The following ENAH variants were observed in gnomAD, a reference collection of about 807,000 sequenced individuals.
The protein encoded by ENAH is protein enabled homolog.
ENAH carries 23 observed loss-of-function variants against 78.7 expected under a neutral mutation model. The ratio of observed to expected loss-of-function variants is 0.29; its 90% CI spans 0.21 to 0.41. The LOEUF (loss-of-function observed/expected upper bound fraction) is 0.41. Among genes scored for constraint, ENAH ranks in the 10% least tolerant of loss-of-function variants. The pLI, the probability that ENAH is intolerant of heterozygous loss-of-function variation, is 1.00. For missense variants in ENAH, 544 were observed against 691.0 expected (o/e 0.79, Z 2.39); for synonymous variants, 226 against 241.0 (o/e 0.94, Z 0.58).
intron 1 of ENAH, among the ~76,000 whole-genome samples, chr1:225,571,016 T>C (rs2096759514): frequency 6.6e-6 from 1 of 152,096 alleles, no homozygotes; most frequent in Admixed American, 6.6e-5. Flanking sequence ...GTTGATCAAC[T>C]GTTTATGGAT....
rs114603560 is a variant in ENAH, at chr1:225,581,901, T to C, written c.6-14487A>G. 8.1e-3 allele frequency among the ~76,000 whole-genome samples: 1,223 copies of C among 151,522 alleles called. 19 individuals carry two copies. The highest frequency in any genetic ancestry group is 0.028 in the African/African-American group (1,161 of 41,218). On this transcript the variant is annotated intron_variant, in intron 1 of 13. Coordinates refer to ENST00000366843, the MANE Select transcript of ENAH (RefSeq NM_018212.6). ...TTTTGGTAGAGATGGGATCTCCCTA[T>C]CTTGCCAAGGCTGGTCTCTAACTCC...
intron 4 of ENAH, among the ~76,000 whole-genome samples, chr1:225,520,399 T>C (rs2096458001): frequency 1.3e-5 from 2 of 152,138 alleles, no homozygotes; most frequent in South Asian, 2.1e-4. Flanking sequence ...TCAACATATG[T>C]ATATAAAGAC....
At position 225,530,647 on chromosome 1, in the gene ENAH, G is replaced by A; in HGVS notation, c.350-9C>T. 1 of 1,598,586 alleles carries A rather than the reference G, an allele frequency of 6.3e-7. No individual in the cohort carries two copies. Among genetic ancestry groups the A allele is most frequent in the East Asian group, 2.2e-5 (1 of 44,740 alleles). Reference sequence around the variant, plus strand: ...TCTAGGCAATGTTGGCCCTACAGAGGGAGAAAACATTACAGATGAACATTA... The same window carrying A: ...TCTAGGCAATGTTGGCCCTACAGAGAGAGAAAACATTACAGATGAACATTA... On this transcript the variant is annotated splice_polypyrimidine_tract_variant and intron_variant, in intron 3 of 13. Transcript: ENST00000366843.
rs560752607 is a variant in ENAH at position 225,561,534 on chromosome 1, AT to A, written c.171+5714del. On this transcript the variant is annotated intron_variant, in intron 2 of 13. Transcript: ENST00000366843. ...CTGCTTGGGAGGCTGAGGCAGGAGA[AT>A]CACTTGAACCAGGGAGTTGAAGGTT... Among the ~76,000 whole-genome samples, 4 of 151,556 alleles carry A rather than the reference AT, an allele frequency of 2.6e-5. No homozygotes were observed. In the South Asian group the frequency reaches 8.3e-4, roughly 31 times the overall value.
At chr1:225,649,038 T>C (rs1428891648) in intron 1 of ENAH, among the ~76,000 whole-genome samples, 3 of 152,126 alleles carry the variant, frequency 2.0e-5, no homozygotes, top group East Asian at 1.9e-4. Flanking sequence ...TAGTCTAACA[T>C]AGAAATAGGC....
intron 1 of ENAH, among the ~76,000 whole-genome samples, chr1:225,583,944 G>A (rs576119184): frequency 5.3e-5 from 8 of 152,302 alleles, no homozygotes; most frequent in African/African-American, 1.9e-4. Context: ...CTTGAGGCCA[G>A]GGGTTCAAGA....
rs1044611944 is a variant in ENAH, at chr1:225,513,565, T to C, written c.1219-549A>G. ...TGTAGATTACAGTATTCTATCATGT[T>C]AACTTTCCTGATTTTGATAATTATA... On this transcript the variant is annotated intron_variant, in intron 7 of 13. Transcript: ENST00000366843. Among the ~76,000 whole-genome samples, 3 of 152,244 alleles carry C rather than the reference T, an allele frequency of 2.0e-5. No homozygotes were observed. In the South Asian group the frequency reaches 6.2e-4, roughly 31 times the overall value.
At position 225,551,568 on chromosome 1, in the gene ENAH, A is replaced by G. The variant is rs532803736; in HGVS notation, c.349+3338T>C. Among the ~76,000 whole-genome samples, 18 of 152,320 alleles carry G rather than the reference A, an allele frequency of 1.2e-4. No individual in the cohort carries two copies. In the South Asian group the frequency reaches 1.9e-3, roughly 16 times the overall value. ...TCAGTGGTTGCGGATCCGGAACCCT[A>G]TATCAATCAGAGAAGCTCCATATTT... On this transcript the variant is annotated intron_variant, in intron 3 of 13. Transcript: ENST00000366843.
intron 4 of ENAH, among the ~76,000 whole-genome samples, chr1:225,521,067 C>T (rs1027129436): frequency 2.6e-5 from 4 of 152,064 alleles, no homozygotes; most frequent in Non-Finnish European, 4.4e-5. Flanking sequence ...CGCACACACA[C>T]ACAGAGTTAT....
intron 1 of ENAH, among the ~76,000 whole-genome samples, chr1:225,636,079 A>C (rs1005042736): frequency 6.6e-6 from 1 of 152,216 alleles, no homozygotes; most frequent in African/African-American, 2.4e-5. Flanking sequence ...AAATAAACAA[A>C]TACTGGTTCT....
At chr1:225,589,150 G>A (rs1389453038) in intron 1 of ENAH, among the ~76,000 whole-genome samples, 1 of 152,130 alleles carries the variant, frequency 6.6e-6, no homozygotes, top group Non-Finnish European at 1.5e-5. Flanking sequence ...GGGCAGCAGG[G>A]GAGGCAAAGC....
chr1:225,523,596 T>C (rs2096485579), intron 4 of ENAH, among the ~76,000 whole-genome samples: 1 of 152,188 alleles, frequency 6.6e-6, no homozygotes, highest in Admixed American at 6.5e-5. Flanking sequence ...TTGAACACTT[T>C]AAGCTAATTT....
At chr1:225,524,750 G>A (rs1240881267) in intron 4 of ENAH, 3 of 703,298 alleles carry the variant, frequency 4.3e-6, no homozygotes, top group Non-Finnish European at 3.5e-6. Flanking sequence ...CTGGTGATTT[G>A]CGAACTATTT....
intron 1 of ENAH, among the ~76,000 whole-genome samples, chr1:225,629,894 T>C (rs1658690989): frequency 6.6e-6 from 1 of 152,202 alleles, no homozygotes; most frequent in Non-Finnish European, 1.5e-5. Context: ...GCTTTAGTCT[T>C]TGGATGGCAT....
chr1:225,517,074 C>A (rs1042468911), intron 6 of ENAH, 122 bp downstream of exon 6: 1 of 678,048 alleles, frequency 1.5e-6, no homozygotes, highest in Non-Finnish European at 2.2e-6. Context: ...AAAAGCATGG[C>A]ATTATGGCAT....
intron 1 of ENAH, among the ~76,000 whole-genome samples, chr1:225,578,162 A>C (rs2096797192): frequency 6.6e-6 from 1 of 152,170 alleles, no homozygotes; most frequent in African/African-American, 2.4e-5. Flanking sequence ...AGACCGAAAA[A>C]AATAAAAAGA....
At chr1:225,648,435 C>G (rs1183994341) in intron 1 of ENAH, among the ~76,000 whole-genome samples, 1 of 152,178 alleles carries the variant, frequency 6.6e-6, no homozygotes, top group African/African-American at 2.4e-5. Context: ...CAAATGGTGC[C>G]TCCATAGTTA....
At chr1:225,614,303 C>A (rs2097011193) in intron 1 of ENAH, among the ~76,000 whole-genome samples, 2 of 152,164 alleles carry the variant, frequency 1.3e-5, no homozygotes, top group Admixed American at 6.5e-5. Flanking sequence ...AGGTGATCCA[C>A]CCACCTCGGC....
intron 5 of ENAH, chr1:225,517,587 T>TG (rs2096431492): frequency 1.9e-6 from 3 of 1,550,956 alleles, no homozygotes; most frequent in Non-Finnish European, 1.7e-6. Context: ...TAGCTTTGCC[T>TG]GGGGGGCTGC....
Sources: allele counts gnomAD v4.1 joint callset (sites outside exome capture counted in the v4.1 genomes callset), GRCh38; gene constraint gnomAD v4.1.1; transcripts MANE v1.5; gene names NCBI Gene and HGNC (gene_info 2026-07-23, HGNC 2026-07-21).